Variants in DAB2 observed in about 807,000 individuals in gnomAD.
DAB2 encodes DAB adaptor protein 2, also known as disabled homolog 2.
DAB2 carries 28 observed loss-of-function variants against 71.6 expected under a neutral mutation model. That is an observed-to-expected ratio of 0.39 (90% CI 0.29 to 0.54). The LOEUF is 0.54. DAB2 is among the 20% of genes least tolerant of loss of function. DAB2 has a pLI of 0.68. For synonymous variants in DAB2, 345 were observed against 339.7 expected (o/e 1.02, Z -0.17); for missense variants, 867 against 928.8 (o/e 0.93, Z 0.86).
intron 1 of DAB2, among the ~76,000 whole-genome samples, chr5:39,402,093 C>T (rs2112081680): frequency 1.3e-5 from 2 of 152,258 alleles, no homozygotes; most frequent in Admixed American, 1.3e-4. Flanking sequence ...TTAAAACCAT[C>T]AGACCTCATG....
In DAB2 at chr5:39,422,537, G is replaced by C. The variant is rs1042021725; in HGVS notation, c.-102+2267C>G. ...TGAAATATCAGTGGTAGCAAACTTA[G>C]GTTTATGGACATATGAGGGTAGAGT... On this transcript the variant is annotated intron_variant, in intron 1 of 14. Coordinates refer to ENST00000320816, the MANE Select transcript of DAB2 (RefSeq NM_001343.4). The surrounding 1 kb of genome is among the most constrained non-coding windows in gnomAD (Gnocchi z 4.1). Among the ~76,000 whole-genome samples, 1 of 152,184 alleles carries C rather than the reference G, an allele frequency of 6.6e-6. No individual in the cohort carries two copies. The highest frequency in any genetic ancestry group is 2.4e-5 in the African/African-American group (1 of 41,444).
At chr5:39,387,336 T>C (rs1755118895) in intron 9 of DAB2, among the ~76,000 whole-genome samples, 1 of 152,258 alleles carries the variant, frequency 6.6e-6, no homozygotes, top group East Asian at 1.9e-4. Flanking sequence ...TAATTCTCTT[T>C]TTGTCTGTTT....
intron 1 of DAB2, chr5:39,417,486 C>T (rs763979872): frequency 2.0e-5 from 3 of 152,096 alleles, no homozygotes; most frequent in Non-Finnish European, 2.9e-5. Flanking sequence ...GCGCTGCTGC[C>T]TAAAATGCAT....
chr5:39,413,020 C>G (rs1755767112), intron 1 of DAB2, among the ~76,000 whole-genome samples: 1 of 152,020 alleles, frequency 6.6e-6, no homozygotes, highest in Admixed American at 6.6e-5. Context: ...GTGGGTCAAA[C>G]TGGATTAGGG....
In DAB2 at chr5:39,382,681, G is replaced by C. The variant is rs1004965870; in HGVS notation, c.1278C>G (p.Asp426Glu). ...LESSVQSSPH[D>E]SIAIIPPPQS... The stretch of plus-strand genomic sequence containing the variant: ...GTGGAGGTGGGATAATGGCTATGGA[G>C]TCATGTGGTGAGGACTGGACAGAGC... The change falls in exon 10 of 15, where the codon GAC becomes GAG. Residue 426 changes from aspartate to glutamate, a missense_variant. By Grantham distance (45) the Asp-to-Glu change is conservative. Coordinates refer to ENST00000320816, the MANE Select transcript of DAB2 (RefSeq NM_001343.4). 6.2e-7 allele frequency: 1 copy of C among 1,614,174 alleles called. No individual in the cohort carries two copies. The highest frequency in any genetic ancestry group is 1.3e-5 in the African/African-American group (1 of 75,050).
chr5:39,416,692 T>C (rs1755852953), intron 1 of DAB2, among the ~76,000 whole-genome samples: 1 of 152,130 alleles, frequency 6.6e-6, no homozygotes, highest in Admixed American at 6.5e-5. Context: ...CAGGGAAGTC[T>C]TTACCGGCCT....
chr5:39,406,428 C>G (rs1488054156), intron 1 of DAB2, among the ~76,000 whole-genome samples: 2 of 152,174 alleles, frequency 1.3e-5, no homozygotes, highest in African/African-American at 4.8e-5. Context: ...CACCAGAGCA[C>G]TTTCTTCAGT....
At position 39,377,088 on chromosome 5, in the gene DAB2, G is replaced by A. The variant is rs766510417; in HGVS notation, c.1699C>T (p.Pro567Ser). The change falls in exon 12 of 15, where the codon CCT (proline) becomes TCT (serine). Residue 567 changes from proline (P) to serine (S), a missense_variant. Pro to Ser is a moderately conservative substitution (Grantham distance 74). This residue lies in a region of DAB2 where 740 missense variants were observed against 734.3 expected (regional missense o/e 1.01). Transcript: ENST00000320816. ...QPSPFAASTPPPVPVVWGPSA... is the reference protein window; with the variant it reads ...QPSPFAASTPSPVPVVWGPSA... The stretch of plus-strand genomic sequence containing the variant: ...GGGCCCCAGACAACAGGCACTGGAG[G>A]GGGAGTTGAGGCTGCAAAGGGTGAA... 3.1e-6 allele frequency: 5 copies of A among 1,614,044 alleles called. No individual in the cohort carries two copies. Among genetic ancestry groups the A allele is most frequent in the Non-Finnish European group, 4.2e-6 (5 of 1,180,032 alleles).
intron 2 of DAB2, 127 bp downstream of exon 2, chr5:39,394,103 G>A (rs1333713135): frequency 1.4e-6 from 1 of 716,350 alleles, no homozygotes; most frequent in East Asian, 2.7e-5. Flanking sequence ...CCTATTAGGA[G>A]AACATGAGAC....
At chr5:39,412,535 A>G (rs1356632700) in intron 1 of DAB2, among the ~76,000 whole-genome samples, 2 of 152,210 alleles carry the variant, frequency 1.3e-5, no homozygotes, top group Admixed American at 1.3e-4. Flanking sequence ...GGAGCAAAAC[A>G]TAAGTGGAGT....
intron 1 of DAB2, among the ~76,000 whole-genome samples, chr5:39,396,121 G>A (rs1755365023): frequency 6.6e-6 from 1 of 151,736 alleles, no homozygotes; most frequent in Non-Finnish European, 1.5e-5. Context: ...GCTAAGTTTT[G>A]TATTTTCAGT....
Position 39,400,737 on chromosome 5 carries a change from A to G in DAB2, c.-101-6316T>C, listed in dbSNP as rs1755478518. 2.0e-5 allele frequency among the ~76,000 whole-genome samples: 3 copies of G among 152,286 alleles called. 1 individual carries two copies. The South Asian group carries it at 6.2e-4, about 32-fold the overall frequency. On this transcript the variant is annotated intron_variant, in intron 1 of 14. Coordinates refer to ENST00000320816, the MANE Select transcript of DAB2 (RefSeq NM_001343.4). Reference sequence around the variant, plus strand: ...AAGTCATCATCCCACTGACATTAACACACCATTAATTTTTAGCAAGAAGCC... The same window carrying G: ...AAGTCATCATCCCACTGACATTAACGCACCATTAATTTTTAGCAAGAAGCC...
intron 1 of DAB2, among the ~76,000 whole-genome samples, chr5:39,416,275 A>G (rs1274771594): frequency 6.6e-6 from 1 of 152,108 alleles, no homozygotes; most frequent in African/African-American, 2.4e-5. Flanking sequence ...ACAAACAAAC[A>G]ACTCTTTATG....
chr5:39,388,109 T>A, intron 9 of DAB2, 196 bp downstream of exon 9: 1 of 543,114 alleles, frequency 1.8e-6, no homozygotes, highest in Non-Finnish European at 3.3e-6. Flanking sequence ...GCAATATTAA[T>A]ATAACTGAAT....
chr5:39,407,051 A>C (rs1428384917), intron 1 of DAB2, among the ~76,000 whole-genome samples: 1 of 152,194 alleles, frequency 6.6e-6, no homozygotes, highest in Non-Finnish European at 1.5e-5. Flanking sequence ...TAAGACTCAG[A>C]GGCAACGCAC....
intron 1 of DAB2, among the ~76,000 whole-genome samples, chr5:39,406,446 A>G (rs1243867734): frequency 4.6e-5 from 7 of 152,076 alleles, no homozygotes; most frequent in Non-Finnish European, 2.9e-5. Context: ...AGTGGCTAAA[A>G]CCCACCAGGT....
chr5:39,388,243 A>C, intron 9 of DAB2, 62 bp downstream of exon 9: 1 of 1,214,130 alleles, frequency 8.2e-7, no homozygotes, highest in Non-Finnish European at 1.2e-6. Flanking sequence ...ATTTCTGGTT[A>C]TTGCCAATTT....
At chr5:39,416,233 A>C (rs1481891262) in intron 1 of DAB2, among the ~76,000 whole-genome samples, 2 of 152,116 alleles carry the variant, frequency 1.3e-5, no homozygotes, top group Non-Finnish European at 2.9e-5. Context: ...AGTACTCCTT[A>C]ATATATTTAA....
At chr5:39,389,186 A>C in intron 6 of DAB2, 63 bp from the exon 7 acceptor site, 1 of 1,303,950 alleles carries the variant, frequency 7.7e-7, no homozygotes, top group African/African-American at 1.5e-5. Flanking sequence ...TTAAATACAC[A>C]AACAAGTATG....
Sources: gnomAD v4.1 joint callset for allele counts (sites outside exome capture counted in the v4.1 genomes callset) on GRCh38, gnomAD v4.1.1 for gene constraint, gnomAD v4.1.1 regional missense constraint, Gnocchi (gnomAD v3.1) non-coding constraint, MANE v1.5 for transcripts, NCBI Gene and HGNC (gene_info 2026-07-23, HGNC 2026-07-21) for gene names.